The following U2SURP variants were observed in gnomAD, a reference collection of about 807,000 sequenced individuals.
U2SURP encodes the protein U2 snRNP-associated SURP motif-containing protein.
Under a neutral mutation model 144.9 loss-of-function variants are expected in U2SURP, and 9 were observed. That is an observed-to-expected ratio of 0.06 (90% confidence interval 0.04 to 0.11). The LOEUF is 0.11. U2SURP is among the 10% of genes least tolerant of loss of function. The pLI is 1.00. For missense variants in U2SURP, 724 were observed against 1,226.7 expected (o/e 0.59, Z 6.12); for synonymous variants, 408 against 396.8 (o/e 1.03, Z -0.33).
At position 143,037,338 on chromosome 3, in the gene U2SURP, A is replaced by G; in HGVS notation, c.2221+3A>G. ...TGATGATCTTGATGGAGTGCCTTGT[A>G]AGTTCAGATTTCAAACTGATTAAAT... On this transcript the variant is annotated splice_donor_region_variant and intron_variant, in intron 21 of 27. Transcript: ENST00000473835. The G allele has an allele frequency of 6.2e-7, 1 of 1,610,752 alleles. No homozygotes were observed.
chr3:143,051,954 T>G (rs1934892959), intron 25 of U2SURP, among the ~76,000 whole-genome samples: 1 of 152,152 alleles, frequency 6.6e-6, no homozygotes, highest in African/African-American at 2.4e-5. Context: ...GCATCTCAAT[T>G]AGGAGATCAT....
At chr3:143,009,247 G>T (rs892924688) in intron 1 of U2SURP, among the ~76,000 whole-genome samples, 15 of 152,014 alleles carry the variant, frequency 9.9e-5, no homozygotes, top group Admixed American at 9.8e-4. Context: ...AAGATTAGCC[G>T]CTAGAAGAAA....
chr3:143,008,707 A>G (rs1935968561), intron 1 of U2SURP, among the ~76,000 whole-genome samples: 1 of 152,224 alleles, frequency 6.6e-6, no homozygotes, highest in South Asian at 2.1e-4. Context: ...TTTTATGATT[A>G]GGATGTTTTT....
intron 2 of U2SURP, chr3:143,011,931 CTTG>C (rs1238402517): frequency 7.7e-6 from 4 of 520,516 alleles, no homozygotes; most frequent in African/African-American, 5.7e-5. Context: ...GTGAATCAGA[CTTG>C]GGGATTTTGG....
intron 16 of U2SURP, 130 bp downstream of exon 16, chr3:143,028,776 T>G: frequency 1.4e-6 from 1 of 722,980 alleles, no homozygotes; most frequent in Non-Finnish European, 2.2e-6. Context: ...AATAGTAACA[T>G]CTTTCATCAT....
chr3:143,051,073 A>G (rs751317833), intron 25 of U2SURP, 24 bp downstream of exon 25: 2 of 1,402,010 alleles, frequency 1.4e-6, no homozygotes, highest in Admixed American at 3.9e-5. Context: ...ATACCCAATA[A>G]TACACATATT....
At chr3:143,052,349 G>A (rs752838590) in intron 25 of U2SURP, among the ~76,000 whole-genome samples, 1 of 152,160 alleles carries the variant, frequency 6.6e-6, no homozygotes, top group African/African-American at 2.4e-5. Context: ...AGCTGAGATC[G>A]TGCTATTACA....
chr3:143,014,239 T>A, intron 3 of U2SURP, 72 bp from the exon 4 acceptor site: 1 of 942,130 alleles, frequency 1.1e-6, no homozygotes, highest in Non-Finnish European at 1.5e-6. Flanking sequence ...GACTTAGTTA[T>A]CAGTTGATGT....
Position 143,036,102 on chromosome 3 carries a change from G to A in U2SURP, c.2062G>A (p.Glu688Lys). 6.3e-7 allele frequency: 1 copy of A among 1,599,496 alleles called. No homozygotes were observed. ...AAATATTATTGAAGAAAAGGAAACA[G>A]AGGTAGGCAGTCTGTATTTGTCTGG... ...LVNIIEEKET[E>K]DVPDDLDGAP... is the part of the protein sequence containing the mutation. The change falls in exon 20 of 28, where the codon GAG (glutamate) becomes AAG (lysine). Residue 688 changes from glutamate to lysine, a missense_variant and splice_region_variant. By Grantham distance (56) the Glu-to-Lys change is moderately conservative. Transcript: ENST00000473835.
At chr3:143,050,602 A>G (rs1355630531) in intron 24 of U2SURP, among the ~76,000 whole-genome samples, 5 of 152,072 alleles carry the variant, frequency 3.3e-5, no homozygotes, top group South Asian at 4.2e-4. Context: ...TCTGACTGTC[A>G]TATCATGCTG....
In U2SURP at chr3:143,043,104, C is replaced by T; in HGVS notation, c.2385-13C>T. On this transcript the variant is annotated splice_polypyrimidine_tract_variant and intron_variant, in intron 23 of 27. Transcript: ENST00000473835. ...CTGCCTTGACATACAATGTATTCTG[C>T]TTGTTTCTAAAGTCAAGAAGAAGAA... 1 of 1,594,184 alleles carries T rather than the reference C, an allele frequency of 6.3e-7. No homozygotes were observed. The highest frequency in any genetic ancestry group is 8.5e-7 in the Non-Finnish European group (1 of 1,170,516).
intron 16 of U2SURP, among the ~76,000 whole-genome samples, chr3:143,030,594 C>A (rs6781887): frequency 1.6e-4 from 25 of 152,088 alleles, no homozygotes; most frequent in South Asian, 4.1e-4. Context: ...TATCCATTCT[C>A]TATCCCATTG....
At position 143,055,072 on chromosome 3, in the gene U2SURP, G is replaced by C; in HGVS notation, c.2904G>C (p.Arg968Ser). 3 of 1,606,732 alleles carry C rather than the reference G, an allele frequency of 1.9e-6. No homozygotes were observed. Among genetic ancestry groups the C allele is most frequent in the Non-Finnish European group, 2.5e-6 (3 of 1,177,122 alleles). Residue 968 changes from arginine (R) to serine (S), a missense_variant, in exon 27 of 28, where the codon AGG (arginine) becomes AGC (serine). Physicochemically the swap from Arg to Ser is moderately radical, Grantham distance 110 (BLOSUM62 -1). Transcript: ENST00000473835. ...ERSHKESSRSRSSHKDSPRDV... is the reference protein window; with the variant it reads ...ERSHKESSRSSSSHKDSPRDV... ...CTCATAAAGAGAGCTCACGGTCCAG[G>C]TCATCTCACAAAGATTCTCCTAGAG...
intron 1 of U2SURP, among the ~76,000 whole-genome samples, chr3:143,004,307 TA>T (rs1477449100): frequency 5.3e-5 from 8 of 150,650 alleles, no homozygotes; most frequent in African/African-American, 1.2e-4. Context: ...TTCTTAATTA[TA>T]AAAAGATTAA....
rs1933201357 is a variant in U2SURP, at chr3:143,027,155, G to A, written c.1281G>A (p.Leu427=). 6.2e-7 allele frequency: 1 copy of A among 1,612,042 alleles called. No individual in the cohort carries two copies. The highest frequency in any genetic ancestry group is 2.2e-5 in the East Asian group (1 of 44,828). Residue 427 remains leucine, a synonymous_variant, in exon 14 of 28, where the codon TTG becomes TTA. Transcript: ENST00000473835. ...VKVVIPTERN[L]LALIHRMIEF... is the part of the protein sequence containing the mutation. ...AACTGTGTTGTTGTTGTAGGAATTTGCTCGCCCTGATACATCGAATGATAG... is the reference window on the plus strand; with the variant it reads ...AACTGTGTTGTTGTTGTAGGAATTTACTCGCCCTGATACATCGAATGATAG...
At chr3:143,007,943 G>A (rs1051904240) in intron 1 of U2SURP, among the ~76,000 whole-genome samples, 7 of 152,174 alleles carry the variant, frequency 4.6e-5, no homozygotes, top group African/African-American at 1.7e-4. Flanking sequence ...GTTAACTGCT[G>A]TTTGAACTGT....
rs768162618 is a variant in U2SURP at position 143,001,693 on chromosome 3, C to T, written c.45+20C>T. Reference sequence around the variant, plus strand: ...TCAAAGGTAATTTCTGACAAAATTTCGTAAGTCAGCGGATCTACCACTGTC... The same window carrying T: ...TCAAAGGTAATTTCTGACAAAATTTTGTAAGTCAGCGGATCTACCACTGTC... On this transcript the variant is annotated intron_variant, in intron 1 of 27. Transcript: ENST00000473835. The T allele has an allele frequency of 1.9e-6, 3 of 1,613,428 alleles. No individual in the cohort carries two copies. The highest frequency in any genetic ancestry group is 1.1e-5 in the South Asian group (1 of 90,852).
intron 22 of U2SURP, 69 bp downstream of exon 22, chr3:143,038,272 A>G (rs914278804): frequency 2.5e-6 from 3 of 1,186,058 alleles, no homozygotes; most frequent in African/African-American, 1.6e-5. Context: ...GTGCTTGTAT[A>G]TATGTTTTCC....
chr3:143,051,092 A>G (rs1934831027), intron 25 of U2SURP, 43 bp downstream of exon 25: 1 of 1,267,384 alleles, frequency 7.9e-7, no homozygotes, highest in African/African-American at 1.5e-5. Flanking sequence ...TTTTGAAGTT[A>G]TTTATTTGAC....
Sources: allele counts gnomAD v4.1 joint callset (sites outside exome capture counted in the v4.1 genomes callset), GRCh38; gene constraint gnomAD v4.1.1; transcripts MANE v1.5; gene names NCBI Gene and HGNC (gene_info 2026-07-23, HGNC 2026-07-21).